The following AUTS2 variants were observed in gnomAD, a reference collection of about 807,000 sequenced individuals.
AUTS2 encodes activator of transcription and developmental regulator AUTS2.
AUTS2 carries 17 observed loss-of-function variants against 112.4 expected under a neutral mutation model. That is an observed-to-expected ratio of 0.15 (90% CI 0.10 to 0.23). AUTS2 has a LOEUF of 0.23. AUTS2 is among the 10% of genes least tolerant of loss of function. The pLI, the probability that AUTS2 is intolerant of heterozygous loss-of-function variation, is 1.00. For missense variants in AUTS2, 1,510 were observed against 1,701.6 expected (o/e 0.89, Z 1.98); for synonymous variants, 751 against 702.7 (o/e 1.07, Z -1.09).
chr7:70,649,500 T>TTTTTATTTA (rs1554451097), intron 5 of AUTS2, among the ~76,000 whole-genome samples: 32 of 143,870 alleles, frequency 2.2e-4, no homozygotes, highest in African/African-American at 8.2e-4. Context: ...TGGTGATTTA[T>TTTTTATTTA]TTTATTTATT....
chr7:69,896,925 G>T (rs919692238), intron 1 of AUTS2, among the ~76,000 whole-genome samples: 1 of 152,094 alleles, frequency 6.6e-6, no homozygotes, highest in Non-Finnish European at 1.5e-5. Flanking sequence ...ATTTCCCTTA[G>T]TTTTAGCACC....
chr7:70,169,139 A>G lies in AUTS2; in HGVS notation c.660+34568A>G, dbSNP rs545489282. ...ATGATTTTTAAAATTTGTTGAAATA[A>G]GAGTTGTTTTATTTAAGGAAAAAAT... On this transcript the variant is annotated intron_variant, in intron 4 of 18. Coordinates refer to ENST00000342771, the MANE Select transcript of AUTS2 (RefSeq NM_015570.4). 1.9e-4 allele frequency among the ~76,000 whole-genome samples: 29 copies of G among 152,306 alleles called. 1 individual carries two copies. In the South Asian group the frequency reaches 5.8e-3, roughly 30 times the overall value.
chr7:70,174,853 A>C (rs1808900237), intron 4 of AUTS2, among the ~76,000 whole-genome samples: 1 of 152,188 alleles, frequency 6.6e-6, no homozygotes, highest in South Asian at 2.1e-4. Flanking sequence ...ATGATCACCC[A>C]AGGGCTCTGA....
rs542261840 is a variant in AUTS2, at chr7:70,116,531, C to T, written c.523-1601C>T. On this transcript the variant is annotated intron_variant, in intron 2 of 18. Transcript: ENST00000342771. ...CCTCTTCTATTCTTTGAAGTTTCCT[C>T]CTGTCTAGAAAAATGGAGCTTATGT... Among the ~76,000 whole-genome samples the T allele has an allele frequency of 2.6e-5, 4 of 152,280 alleles. No individual in the cohort carries two copies. In the East Asian group the frequency reaches 7.7e-4, roughly 29 times the overall value.
chr7:70,624,064 T>G (rs1166209031), intron 5 of AUTS2, among the ~76,000 whole-genome samples: 1 of 152,216 alleles, frequency 6.6e-6, no homozygotes, highest in Admixed American at 6.5e-5. Context: ...TCTTCCTCAC[T>G]AGAATTATCT....
At chr7:69,722,451 A>G (rs1317918590) in intron 1 of AUTS2, among the ~76,000 whole-genome samples, 1 of 148,886 alleles carries the variant, frequency 6.7e-6, no homozygotes, top group Admixed American at 6.8e-5. Flanking sequence ...ATGTGAGCTC[A>G]CTGCAACCTC....
In AUTS2 at chr7:70,358,006, C is replaced by T. The variant is rs142231680; in HGVS notation, c.661-77746C>T. 2.4e-3 allele frequency among the ~76,000 whole-genome samples: 372 copies of T among 152,224 alleles called. 3 individuals are homozygous for T. The highest frequency in any genetic ancestry group is 8.5e-3 in the African/African-American group (352 of 41,528). On this transcript the variant is annotated intron_variant, in intron 4 of 18. Coordinates refer to ENST00000342771, the MANE Select transcript of AUTS2 (RefSeq NM_015570.4). Reference sequence around the variant, plus strand: ...TTGGCGAGACCTAGAATGTCTATAACCTTAGTGGTCACAGTCTACAGTCCA... The same window carrying T: ...TTGGCGAGACCTAGAATGTCTATAATCTTAGTGGTCACAGTCTACAGTCCA...
chr7:69,959,149 TCTC>T (rs1410996852), intron 2 of AUTS2, among the ~76,000 whole-genome samples: 1 of 152,168 alleles, frequency 6.6e-6, no homozygotes, highest in African/African-American at 2.4e-5. Context: ...TTTTTCATGG[TCTC>T]TACCCTGTCC....
intron 6 of AUTS2, among the ~76,000 whole-genome samples, chr7:70,759,590 C>T (rs557575511): frequency 3.9e-5 from 6 of 152,260 alleles, no homozygotes; most frequent in South Asian, 2.1e-4. Context: ...GTGGTGCTGA[C>T]GGCCACAGCC....
chr7:69,801,226 T>C (rs766489260), intron 1 of AUTS2, among the ~76,000 whole-genome samples: 1 of 150,136 alleles, frequency 6.7e-6, no homozygotes, highest in Non-Finnish European at 1.5e-5. Context: ...GGCAGGGATC[T>C]AGTTGCCAAT....
intron 4 of AUTS2, among the ~76,000 whole-genome samples, chr7:70,185,924 A>G (rs1809580380): frequency 6.6e-6 from 1 of 152,226 alleles, no homozygotes; most frequent in Non-Finnish European, 1.5e-5. Context: ...AAAGTGTTGT[A>G]TAAACTATTG....
chr7:70,554,213 C>T (rs1236953512), intron 5 of AUTS2, among the ~76,000 whole-genome samples: 3 of 151,360 alleles, frequency 2.0e-5, no homozygotes, highest in Non-Finnish European at 4.4e-5. Flanking sequence ...GGATTACAGG[C>T]GTGTACCACC....
intron 1 of AUTS2, among the ~76,000 whole-genome samples, chr7:69,716,512 T>A (rs1798620042): frequency 6.6e-6 from 1 of 152,182 alleles, no homozygotes; most frequent in Non-Finnish European, 1.5e-5. Flanking sequence ...CTTCACATTT[T>A]ACTTCTGACA....
intron 1 of AUTS2, among the ~76,000 whole-genome samples, chr7:69,871,199 T>C (rs1314690324): frequency 6.6e-6 from 1 of 152,198 alleles, no homozygotes; most frequent in Non-Finnish European, 1.5e-5. Flanking sequence ...TACAGGGAAG[T>C]AATATGTGTA....
intron 15 of AUTS2, chr7:70,784,684 TTGG>T: frequency 2.0e-6 from 1 of 510,722 alleles, no homozygotes; most frequent in South Asian, 2.5e-5. Context: ...ATACCTGTTT[TTGG>T]TGGTGGCCAG....
At chr7:69,641,127 G>A (rs1045111222) in intron 1 of AUTS2, among the ~76,000 whole-genome samples, 1 of 152,182 alleles carries the variant, frequency 6.6e-6, no homozygotes, top group African/African-American at 2.4e-5. Context: ...GCTCCTTCTG[G>A]AGCTGGCTGT....
intron 6 of AUTS2, among the ~76,000 whole-genome samples, chr7:70,701,358 A>G (rs913227620): frequency 6.6e-6 from 1 of 152,244 alleles, no homozygotes; most frequent in Non-Finnish European, 1.5e-5. Context: ...GTGAGCTTGA[A>G]TAAGTCATTT....
rs138855602 is a variant in AUTS2, at chr7:70,715,507, TTTTTCTTTTCTTTTCTTTTCTTTTC to T, written c.742+16902_742+16926del. Among the ~76,000 whole-genome samples the T allele has an allele frequency of 3.4e-5, 5 of 145,544 alleles. No homozygotes were observed. In the South Asian group the frequency reaches 9.0e-4, roughly 26 times the overall value. The stretch of plus-strand genomic sequence containing the variant: ...GCACTTCCTGCATCCTGCCTGTCTT[TTTTTCTTTTCTTTTCTTTTCTTTTC>T]TTTTCTTTTCTTTTTTTTTAAGATG... On this transcript the variant is annotated intron_variant, in intron 6 of 18. Transcript: ENST00000342771.
intron 2 of AUTS2, among the ~76,000 whole-genome samples, chr7:69,916,965 T>TA (rs1795603500): frequency 6.6e-6 from 1 of 152,178 alleles, no homozygotes; most frequent in Non-Finnish European, 1.5e-5. Flanking sequence ...TGACTTTACT[T>TA]ATAGGTTAAT....
Sources: allele counts gnomAD v4.1 joint callset (sites outside exome capture counted in the v4.1 genomes callset), GRCh38; gene constraint gnomAD v4.1.1; transcripts MANE v1.5; gene names NCBI Gene and HGNC (gene_info 2026-07-23, HGNC 2026-07-21).